The following COP1 variants were observed in gnomAD, a reference collection of about 807,000 sequenced individuals.
COP1 encodes COP1 E3 ubiquitin ligase.
COP1 carries 24 observed loss-of-function variants against 101.3 expected under a neutral mutation model. The ratio of observed to expected loss-of-function variants is 0.24; its 90% CI spans 0.17 to 0.33. The LOEUF (loss-of-function observed/expected upper bound fraction) is 0.33. Ranked by LOEUF, COP1 falls within the 10% of genes least tolerant of loss-of-function variation. COP1 has a pLI of 1.00. For missense variants in COP1, 663 were observed against 906.2 expected, an observed-to-expected ratio of 0.73 and a Z score of 3.45; for synonymous variants, 347 against 341.9, an observed-to-expected ratio of 1.01 and a Z score of -0.17.
At chr1:176,085,273 A>C (rs1484487493) in intron 10 of COP1, among the ~76,000 whole-genome samples, 3 of 151,314 alleles carry the variant, frequency 2.0e-5, no homozygotes, top group African/African-American at 7.3e-5. Flanking sequence ...TTTTTTTACT[A>C]TCAGTTGTAT....
At position 175,996,570 on chromosome 1, in the gene COP1, G is replaced by A. The variant is rs531860466; in HGVS notation, c.1730-7091C>T. Among the ~76,000 whole-genome samples the A allele has an allele frequency of 7.4e-3, 1,127 of 152,024 alleles. 1 individual carries two copies. The highest frequency in any genetic ancestry group is 0.012 in the Non-Finnish European group (812 of 67,936). On this transcript the variant is annotated intron_variant, in intron 15 of 19. Coordinates refer to ENST00000367669, the MANE Select transcript of COP1 (RefSeq NM_022457.7). ...CAAAGTCTCAGGATACAAAATCAATGTACAAAAATCACAAGCATTCTTATA... is the reference window on the plus strand; with the variant it reads ...CAAAGTCTCAGGATACAAAATCAATATACAAAAATCACAAGCATTCTTATA...
intron 9 of COP1, among the ~76,000 whole-genome samples, chr1:176,113,336 A>G (rs968098679): frequency 1.3e-5 from 2 of 152,188 alleles, no homozygotes; most frequent in African/African-American, 2.4e-5. Flanking sequence ...GACCACTTGT[A>G]TATCTTCTTT....
rs551364510 is a variant in COP1 at position 176,194,714 on chromosome 1, C to A, written c.408-10022G>T. On this transcript the variant is annotated intron_variant, in intron 1 of 19. Transcript: ENST00000367669. ...GAACTATACTCTGGGTACAAGAAACCCACTTTAAATATTAAAACACGTACA... is the reference window on the plus strand; with the variant it reads ...GAACTATACTCTGGGTACAAGAAACACACTTTAAATATTAAAACACGTACA... 1.8e-4 allele frequency among the ~76,000 whole-genome samples: 27 copies of A among 151,760 alleles called. 1 individual carries two copies. Among genetic ancestry groups the A allele is most frequent in the Non-Finnish European group, 5.9e-5 (4 of 67,952 alleles).
At chr1:176,032,826 CAGG>C (rs1557964841) in intron 14 of COP1, among the ~76,000 whole-genome samples, 1 of 151,950 alleles carries the variant, frequency 6.6e-6, no homozygotes, top group Non-Finnish European at 1.5e-5. Context: ...AGAACACTAG[CAGG>C]CAGAGATCCC....
At chr1:176,086,958 A>G in intron 9 of COP1, among the ~76,000 whole-genome samples, 1 of 152,200 alleles carries the variant, frequency 6.6e-6, no homozygotes, top group East Asian at 1.9e-4. Context: ...AACACCACAC[A>G]GCTACAACCA....
chr1:176,203,063 C>A (rs1352653784), intron 1 of COP1, among the ~76,000 whole-genome samples: 1 of 151,934 alleles, frequency 6.6e-6, no homozygotes, highest in African/African-American at 2.4e-5. Flanking sequence ...CTCGGCCGGG[C>A]GCGGTGGCTC....
chr1:176,017,744 C>T (rs554281442), intron 15 of COP1, among the ~76,000 whole-genome samples: 3 of 152,206 alleles, frequency 2.0e-5, no homozygotes, highest in Admixed American at 1.3e-4. Flanking sequence ...AGGCTGGGCT[C>T]GAACTCCTAA....
chr1:175,955,766 CCA>C lies in COP1; in HGVS notation c.2134-8529_2134-8528del, dbSNP rs60306255. Among the ~76,000 whole-genome samples, 51 of 129,284 alleles carry C rather than the reference CCA, an allele frequency of 3.9e-4. No individual in the cohort carries two copies. In the East Asian group the frequency reaches 9.6e-3, roughly 24 times the overall value. 84.8% of individuals were successfully genotyped at this position (129,284 alleles called of 152,430 possible). ...AAAGCATGAATCATTTAGAGACAAA[CCA>C]CACACACACACACACACACACACAC... On this transcript the variant is annotated intron_variant, in intron 18 of 19. Coordinates refer to ENST00000367669, the MANE Select transcript of COP1 (RefSeq NM_022457.7).
At chr1:176,164,517 A>G (rs1014925734) in intron 3 of COP1, among the ~76,000 whole-genome samples, 1 of 152,132 alleles carries the variant, frequency 6.6e-6, no homozygotes, top group Non-Finnish European at 1.5e-5. Flanking sequence ...ACGTAACCCA[A>G]TTTTGACCAA....
In COP1 at chr1:176,181,956, G is replaced by A. The variant is rs533627107; in HGVS notation, c.467+2677C>T. ...AGCCTAAATTGTTTTGAGAGCAGGA[G>A]GTAAAGCTATTTAAGAAAGCAATGG... On this transcript the variant is annotated intron_variant, in intron 2 of 19. Transcript: ENST00000367669. Among the ~76,000 whole-genome samples the A allele has an allele frequency of 5.1e-4, 77 of 152,230 alleles. No homozygotes were observed. The Middle Eastern group carries it at 0.027, about 54-fold the overall frequency.
At chr1:176,010,998 G>A (rs560419968) in intron 15 of COP1, among the ~76,000 whole-genome samples, 1 of 152,260 alleles carries the variant, frequency 6.6e-6, no homozygotes, top group African/African-American at 2.4e-5. Context: ...ATTTTTAATT[G>A]TGAGGAACAG....
Position 176,173,637 on chromosome 1 carries a change from C to CAAAA in COP1, c.565+2269_565+2272dup, listed in dbSNP as rs776004659. 6.9e-4 allele frequency among the ~76,000 whole-genome samples: 83 copies of CAAAA among 120,460 alleles called. 1 individual carries two copies. The highest frequency in any genetic ancestry group is 2.5e-3 in the African/African-American group (81 of 32,944). 79.0% of individuals were successfully genotyped at this position (120,460 alleles called of 152,430 possible). A position where few individuals can be genotyped will look rare whatever the true frequency, so the allele number is the denominator to read the frequency against. On this transcript the variant is annotated intron_variant, in intron 3 of 19. Coordinates refer to ENST00000367669, the MANE Select transcript of COP1 (RefSeq NM_022457.7). ...CGGGTAACAGAGTGGGGCGCTGTCT[C>CAAAA]AAAAAAAAAAAAAAATCAGTAAATG...
chr1:175,991,488 C>G (rs1658440377), intron 15 of COP1, among the ~76,000 whole-genome samples: 1 of 152,006 alleles, frequency 6.6e-6, no homozygotes, highest in Admixed American at 6.5e-5. Flanking sequence ...ACATGAAGGC[C>G]TAAGACGTTA....
At chr1:176,133,167 T>G (rs982090124) in intron 8 of COP1, among the ~76,000 whole-genome samples, 27 of 120,152 alleles carry the variant, frequency 2.2e-4, no homozygotes, top group Middle Eastern at 4.5e-3. Flanking sequence ...TATATACGTA[T>G]GTACACACAT....
At chr1:176,021,690 G>A (rs1037384590) in intron 15 of COP1, among the ~76,000 whole-genome samples, 1 of 152,096 alleles carries the variant, frequency 6.6e-6, no homozygotes, top group Non-Finnish European at 1.5e-5. Context: ...AACTGAAAAG[G>A]CCTAGCTGGG....
rs145462837 is a variant in COP1 at position 176,174,266 on chromosome 1, C to G, written c.565+1644G>C. ...GTTATGACTACAGAAAAAGCATAGT[C>G]ATCTTTAGTGATCCTAGATTCCACA... is the stretch of plus-strand genomic sequence containing the variant. On this transcript the variant is annotated intron_variant, in intron 3 of 19. Transcript: ENST00000367669. Among the ~76,000 whole-genome samples, 400 of 152,210 alleles carry G rather than the reference C, an allele frequency of 2.6e-3. 3 individuals carry two copies. The highest frequency in any genetic ancestry group is 9.2e-3 in the African/African-American group (382 of 41,540).
intron 18 of COP1, among the ~76,000 whole-genome samples, chr1:175,982,568 T>C (rs1178678885): frequency 6.6e-6 from 1 of 152,182 alleles, no homozygotes. Context: ...GGTTAATTGT[T>C]TATGTTATTG....
At chr1:176,163,516 A>G (rs1216505776) in intron 4 of COP1, among the ~76,000 whole-genome samples, 1 of 152,186 alleles carries the variant, frequency 6.6e-6, no homozygotes, top group African/African-American at 2.4e-5. Flanking sequence ...CCCAACCTCA[A>G]CAGTTTTTTG....
chr1:175,950,884 G>T (rs1203161460), intron 18 of COP1, among the ~76,000 whole-genome samples: 1 of 151,648 alleles, frequency 6.6e-6, no homozygotes, highest in Non-Finnish European at 1.5e-5. Context: ...GGCTAGTGAA[G>T]AAAACCTGCA....
Sources: allele counts gnomAD v4.1 joint callset (sites outside exome capture counted in the v4.1 genomes callset), GRCh38; gene constraint gnomAD v4.1.1; transcripts MANE v1.5; gene names NCBI Gene and HGNC (gene_info 2026-07-23, HGNC 2026-07-21).